The following NPIPA8 variants were observed in gnomAD, a reference collection of about 807,000 sequenced individuals.
The protein encoded by NPIPA8 is nuclear pore complex-interacting protein family member A8.
NPIPA8 carries 1 observed loss-of-function variant against 7.1 expected under a neutral mutation model. That is an observed-to-expected ratio of 0.14 (90% CI 0.05 to 0.66). The LOEUF (loss-of-function observed/expected upper bound fraction) is 0.66, where lower values mean the gene tolerates loss of function less well. Among genes scored for constraint, NPIPA8 ranks in the 30% least tolerant of loss-of-function variants. The probability of loss-of-function intolerance (pLI) is 0.84; values close to 1 mark genes in which losing one functional copy is unlikely to be tolerated.
upstream of NPIPA8, among the ~76,000 whole-genome samples, chr16:18,335,783 C>T (rs1280408366): frequency 7.4e-6 from 1 of 135,472 alleles, no homozygotes; most frequent in African/African-American, 3.0e-5. Flanking sequence ...AAAATTCTAT[C>T]GTGAAGGCTC....
chr16:18,336,013 G>T (rs1900173085), upstream of NPIPA8, among the ~76,000 whole-genome samples: 1 of 151,854 alleles, frequency 6.6e-6, no homozygotes, highest in Middle Eastern at 3.4e-3. Context: ...GTAGAGACAG[G>T]GTTTCATTGT....
At chr16:18,335,812 T>C (rs562106163), upstream of NPIPA8, among the ~76,000 whole-genome samples, 1 of 136,308 alleles carries the variant, frequency 7.3e-6, no homozygotes, top group South Asian at 2.4e-4. Context: ...AGCTTTTCTT[T>C]GTGGGATTTT....
chr16:18,325,432 TCA>T (rs1491345177), intron 2 of NPIPA8, among the ~76,000 whole-genome samples: 5 of 178 alleles, frequency 0.028, no homozygotes, highest in Non-Finnish European at 0.091. Context: ...AGACTCTGTC[TCA>T]AAAAAAAAAA....
upstream of NPIPA8, among the ~76,000 whole-genome samples, chr16:18,335,989 T>C (rs1270960092): frequency 2.0e-4 from 30 of 151,686 alleles, no homozygotes; most frequent in Non-Finnish European, 4.0e-4. Flanking sequence ...CCCAGCTAAG[T>C]TTTTGTATTT....
At chr16:18,336,171 T>C (rs1235652493), upstream of NPIPA8, among the ~76,000 whole-genome samples, 1 of 102,826 alleles carries the variant, frequency 9.7e-6, no homozygotes, top group African/African-American at 4.3e-5. Flanking sequence ...CCCAGGCTGG[T>C]CTCAAACTCC....
At chr16:18,336,137 T>C (rs1342252324), upstream of NPIPA8, among the ~76,000 whole-genome samples, 1 of 127,536 alleles carries the variant, frequency 7.8e-6, no homozygotes, top group African/African-American at 3.1e-5. Context: ...TAATGTTTTA[T>C]ATAGATGGGG....
rs1360876161 is a variant in NPIPA8 at position 18,323,548 on chromosome 16, G to A, written c.437+543C>T. Among the ~76,000 whole-genome samples, 3 of 58,268 alleles carry A rather than the reference G, an allele frequency of 5.1e-5. No homozygotes were observed. The East Asian group carries it at 1.2e-3, about 23-fold the overall frequency. 38.2% of individuals were successfully genotyped at this position (58,268 alleles called of 152,430 possible). On this transcript the variant is annotated intron_variant, in intron 4 of 7. Coordinates refer to ENST00000541810, the Ensembl canonical transcript of NPIPA8. ...AAAAAAAAAAAAAGGCTGGGTGCTG[G>A]GTGTGGTGGCTCACGCCTCTAATCC...
chr16:18,335,462 A>T (rs1452175750), upstream of NPIPA8, among the ~76,000 whole-genome samples: 11 of 118,892 alleles, frequency 9.3e-5, no homozygotes, highest in Admixed American at 7.7e-5. Context: ...CGCCTCCCAA[A>T]GTGCTGGGAT....
chr16:18,336,207 C>A (rs1224440448), upstream of NPIPA8, among the ~76,000 whole-genome samples: 1 of 122,692 alleles, frequency 8.2e-6, no homozygotes, highest in Non-Finnish European at 1.7e-5. Flanking sequence ...CCACCTCGGC[C>A]TCCTGAAGTG....
At chr16:18,335,908 C>T (rs1293919106), upstream of NPIPA8, among the ~76,000 whole-genome samples, 15 of 145,588 alleles carry the variant, frequency 1.0e-4, no homozygotes, top group African/African-American at 3.4e-4. Flanking sequence ...GCAAGCTCCG[C>T]CTCCTGGGTT....
upstream of NPIPA8, among the ~76,000 whole-genome samples, chr16:18,336,028 G>C (rs1331464092): frequency 6.6e-6 from 1 of 151,672 alleles, no homozygotes; most frequent in East Asian, 2.0e-4. Flanking sequence ...CATTGTGTTG[G>C]CCAGGCTGGT....
intron 4 of NPIPA8, among the ~76,000 whole-genome samples, chr16:18,323,847 A>AAAGAG (rs750129798): frequency 1.1e-4 from 10 of 91,596 alleles, no homozygotes; most frequent in African/African-American, 3.8e-4. Context: ...AAAAAAAAAA[A>AAAGAG]AGAGAAAGGA....
At chr16:18,323,819 G>GAAAAAAAAAAAA (rs1162097124) in intron 4 of NPIPA8, among the ~76,000 whole-genome samples, 7 of 33,170 alleles carry the variant, frequency 2.1e-4, no homozygotes, top group East Asian at 1.5e-3. Flanking sequence ...CCCATCTCAG[G>GAAAAAAAAAAAA]AAAAAAAAAA....
At chr16:18,335,519 C>CT (rs1262309091), upstream of NPIPA8, among the ~76,000 whole-genome samples, 6 of 115,902 alleles carry the variant, frequency 5.2e-5, 1 homozygote, top group African/African-American at 2.0e-4. Context: ...TTTTAATTAA[C>CT]TTTAATACGA....
upstream of NPIPA8, among the ~76,000 whole-genome samples, chr16:18,335,543 G>A (rs1304051726): frequency 8.9e-6 from 1 of 112,868 alleles, no homozygotes; most frequent in Non-Finnish European, 1.8e-5. Context: ...GCCACATGTG[G>A]CCTCTGGTTC....
At chr16:18,325,433 CA>C (rs1211082418) in intron 2 of NPIPA8, among the ~76,000 whole-genome samples, 1 of 98 alleles carries the variant, frequency 0.01, no homozygotes, top group African/African-American at 0.056. Flanking sequence ...GACTCTGTCT[CA>C]AAAAAAAAAA....
At chr16:18,323,881 T>C (rs1291666035) in intron 4 of NPIPA8, among the ~76,000 whole-genome samples, 1 of 119,468 alleles carries the variant, frequency 8.4e-6, no homozygotes, top group African/African-American at 2.8e-5. Flanking sequence ...TACTAGCAAC[T>C]CCTCTTCCCC....
chr16:18,335,452 C>T (rs372381958), upstream of NPIPA8, among the ~76,000 whole-genome samples: 20 of 95,678 alleles, frequency 2.1e-4, no homozygotes, highest in South Asian at 3.2e-4. Context: ...TGCCCGCCTC[C>T]GCCTCCCAAA....
rs1482597271 is a variant in NPIPA8, at chr16:18,321,081, CCTCTT to C, written c.476_480del (p.Glu159GlyfsTer77). On this transcript the variant is annotated frameshift_variant, in exon 5 of 8. Transcript: ENST00000541810. LOFTEE classifies it high-confidence loss of function. ...TCCTCTGCCTCTGACACCTGCCTCT[CCTCTT>C]CTCTGTGCTCACGTTCTTTCATGCT... The C allele has an allele frequency of 1.7e-6, 2 of 1,197,972 alleles. 1 individual carries two copies. Among genetic ancestry groups the C allele is most frequent in the Non-Finnish European group, 2.2e-6 (2 of 900,718 alleles). The allele number at this position is 1,197,972 out of a possible 1,614,324, so 74.2% of individuals were successfully genotyped here. A position where few individuals can be genotyped will look rare whatever the true frequency, so the allele number is the denominator to read the frequency against.
Sources: allele counts gnomAD v4.1 joint callset (sites outside exome capture counted in the v4.1 genomes callset), GRCh38; gene constraint gnomAD v4.1.1; transcripts MANE v1.5; gene names NCBI Gene and HGNC (gene_info 2026-07-23, HGNC 2026-07-21).